RHPN2: variants seen among roughly 807,000 people sequenced by gnomAD.
The protein encoded by RHPN2 is rhophilin-2.
Under a neutral mutation model 79.0 loss-of-function variants are expected in RHPN2, and 40 were observed. The observed-to-expected ratio is 0.51, with a 90% CI of 0.39 to 0.66. RHPN2 has a LOEUF of 0.66. RHPN2 is among the 30% of genes least tolerant of loss of function. The pLI, the probability that RHPN2 is intolerant of heterozygous loss-of-function variation, is 0.00. For synonymous variants in RHPN2, 285 were observed against 363.5 expected (o/e 0.78, Z 2.46); for missense variants, 686 against 883.5 (o/e 0.78, Z 2.83).
chr19:33,003,958 T>C (rs1000266557), intron 7 of RHPN2, among the ~76,000 whole-genome samples: 2 of 152,180 alleles, frequency 1.3e-5, no homozygotes, highest in Non-Finnish European at 2.9e-5. Flanking sequence ...GAGGGTTGCT[T>C]GACATTAAGA....
At chr19:33,062,976 T>A (rs771332042) in intron 1 of RHPN2, among the ~76,000 whole-genome samples, 43 of 152,080 alleles carry the variant, frequency 2.8e-4, no homozygotes, top group Non-Finnish European at 4.1e-4. Flanking sequence ...CTTCTCTTGC[T>A]GCCATTTTCC....
At chr19:32,998,318 A>C (rs1440634649) in intron 10 of RHPN2, among the ~76,000 whole-genome samples, 1 of 152,198 alleles carries the variant, frequency 6.6e-6, no homozygotes, top group African/African-American at 2.4e-5. Flanking sequence ...GTACAGCCAA[A>C]GGGATTTGCT....
chr19:32,984,393 C>T (rs1971599215), intron 14 of RHPN2, among the ~76,000 whole-genome samples: 1 of 152,152 alleles, frequency 6.6e-6, no homozygotes. Flanking sequence ...CATGGTGGCT[C>T]ACTCCTGTAA....
chr19:33,058,426 GA>G (rs1972252045), intron 1 of RHPN2, among the ~76,000 whole-genome samples: 1 of 152,250 alleles, frequency 6.6e-6, no homozygotes. Flanking sequence ...ATGACACAGA[GA>G]ACAGGATGAA....
chr19:33,037,021 GCGGC>G (rs1972064163), intron 2 of RHPN2, among the ~76,000 whole-genome samples: 1 of 152,248 alleles, frequency 6.6e-6, no homozygotes, highest in Admixed American at 6.5e-5. Context: ...AGCTCCACCT[GCGGC>G]CCTGGTGTGG....
At position 33,012,737 on chromosome 19, in the gene RHPN2, T is replaced by C; in HGVS notation, c.391-13A>G. The C allele has an allele frequency of 6.9e-7, 1 of 1,443,210 alleles. No individual in the cohort carries two copies. Among genetic ancestry groups the C allele is most frequent in the South Asian group, 1.1e-5 (1 of 87,642 alleles). The allele number at this position is 1,443,210 out of a possible 1,614,324, so 89.4% of individuals were successfully genotyped here. A position where few individuals can be genotyped will look rare whatever the true frequency, so the allele number is the denominator to read the frequency against. ...CCAGGATAAAATCCTTAAAGAAAAA[T>C]GAGGTCAGATGTTATAAAGTGTGGC... On this transcript the variant is annotated splice_polypyrimidine_tract_variant and intron_variant, in intron 4 of 14. Coordinates refer to ENST00000254260, the MANE Select transcript of RHPN2 (RefSeq NM_033103.5).
At chr19:32,988,215 A>C (rs7257471) in intron 14 of RHPN2, among the ~76,000 whole-genome samples, 84,259 of 136,698 alleles carry the variant, frequency 0.62, 24,497 homozygotes, top group African/African-American at 0.77. Flanking sequence ...ACAACAACAA[A>C]AAAAAAAACA....
rs1396944368 is a variant in RHPN2 at position 33,002,319 on chromosome 19, C to T, written c.1033G>A (p.Ala345Thr). 1 of 1,613,842 alleles carries T rather than the reference C, an allele frequency of 6.2e-7. No homozygotes were observed. Among genetic ancestry groups the T allele is most frequent in the Non-Finnish European group, 8.5e-7 (1 of 1,179,884 alleles). The stretch of plus-strand genomic sequence containing the variant: ...GCGTAGTGGTGGGCCTTCACGCAGG[C>T]TAAGCTGGCCCAGGAGTAGGGGATG... Reference protein sequence around the residue: ...ENIPYSWASLACVKAHHYAAL... With the variant: ...ENIPYSWASLTCVKAHHYAAL... The change falls in exon 9 of 15, where the codon GCC becomes ACC. Residue 345 changes from alanine to threonine, a missense_variant. Coordinates refer to ENST00000254260, the MANE Select transcript of RHPN2 (RefSeq NM_033103.5).
intron 1 of RHPN2, among the ~76,000 whole-genome samples, chr19:33,045,753 C>T (rs978858128): frequency 2.0e-5 from 3 of 152,072 alleles, no homozygotes; most frequent in Non-Finnish European, 2.9e-5. Flanking sequence ...GGATTACAGG[C>T]GCGAGCCACC....
At chr19:33,016,105 A>G (rs1178283139) in intron 4 of RHPN2, among the ~76,000 whole-genome samples, 1 of 152,166 alleles carries the variant, frequency 6.6e-6, no homozygotes. Flanking sequence ...CTTTCACAAT[A>G]GCAACAAAAG....
At chr19:33,052,121 A>T (rs7245410) in intron 1 of RHPN2, among the ~76,000 whole-genome samples, 2,046 of 152,250 alleles carry the variant, frequency 0.013, 47 homozygotes, top group African/African-American at 0.046. Context: ...AGTTAAAAAA[A>T]AAATATAAAA....
intron 14 of RHPN2, among the ~76,000 whole-genome samples, chr19:32,987,116 G>A (rs1419872913): frequency 2.6e-5 from 4 of 151,902 alleles, no homozygotes; most frequent in East Asian, 1.9e-4. Flanking sequence ...GGGCTCAAGC[G>A]AACATACTGC....
At chr19:33,015,424 C>A (rs1438069256) in intron 4 of RHPN2, among the ~76,000 whole-genome samples, 112 of 97,838 alleles carry the variant, frequency 1.1e-3, no homozygotes, top group African/African-American at 1.9e-3. Flanking sequence ...GACTTCGCCT[C>A]AAAAAAAAAA....
intron 3 of RHPN2, among the ~76,000 whole-genome samples, chr19:33,024,853 G>A (rs1348000168): frequency 6.6e-6 from 1 of 152,114 alleles, no homozygotes; most frequent in East Asian, 1.9e-4. Context: ...CCTGGCTCAA[G>A]TGATCTTCCC....
At chr19:33,060,293 G>A (rs544402881) in intron 1 of RHPN2, among the ~76,000 whole-genome samples, 1 of 152,080 alleles carries the variant, frequency 6.6e-6, no homozygotes, top group South Asian at 2.1e-4. Flanking sequence ...CCATAGCTGG[G>A]TGCCACCACA....
At position 33,047,316 on chromosome 19, in the gene RHPN2, T is replaced by C. The variant is rs139682555; in HGVS notation, c.70-2952A>G. The stretch of plus-strand genomic sequence containing the variant: ...AAGGTAAAGGTTTTTCCATATAATC[T>C]TGACACTTTAATTTCTTTTTCAACA... On this transcript the variant is annotated intron_variant, in intron 1 of 14. Transcript: ENST00000254260. Among the ~76,000 whole-genome samples the C allele has an allele frequency of 1.9e-3, 285 of 152,356 alleles. 2 individuals are homozygous for C. The highest frequency in any genetic ancestry group is 6.2e-3 in the African/African-American group (258 of 41,588).
At chr19:33,000,320 A>C (rs191156073) in intron 9 of RHPN2, among the ~76,000 whole-genome samples, 1 of 151,566 alleles carries the variant, frequency 6.6e-6, no homozygotes, top group African/African-American at 2.4e-5. Context: ...TCCCGGGTTC[A>C]AGCGATTCTC....
At chr19:33,029,264 C>T (rs555783586) in intron 2 of RHPN2, among the ~76,000 whole-genome samples, 139 of 152,130 alleles carry the variant, frequency 9.1e-4, no homozygotes, top group African/African-American at 3.2e-3. Flanking sequence ...TGGTAGCTCA[C>T]GCCTGTAATC....
chr19:32,988,607 T>C (rs10402036), intron 14 of RHPN2, among the ~76,000 whole-genome samples: 129,992 of 152,178 alleles, frequency 0.85, 56,140 homozygotes, highest in East Asian at 1. Flanking sequence ...TCACTTCCCA[T>C]GGCTCCCTTC....
Sources: gnomAD v4.1 joint callset for allele counts (sites outside exome capture counted in the v4.1 genomes callset) on GRCh38, gnomAD v4.1.1 for gene constraint, MANE v1.5 for transcripts, NCBI Gene and HGNC (gene_info 2026-07-23, HGNC 2026-07-21) for gene names.